Variants in MYRIP observed in about 807,000 individuals in gnomAD.
The protein encoded by MYRIP is myosin VIIA and Rab interacting protein.
In MYRIP, 49 loss-of-function variants were observed where a neutral mutation model predicts 98.0. The observed-to-expected ratio is 0.50, with a 90% confidence interval of 0.40 to 0.63. The LOEUF is 0.63. MYRIP is among the 30% of genes least tolerant of loss of function. The pLI, the probability that MYRIP is intolerant of heterozygous loss-of-function variation, is 0.00. For synonymous variants in MYRIP, 404 were observed against 409.5 expected (o/e 0.99, Z 0.16); for missense variants, 1,004 against 1,058.2 (o/e 0.95, Z 0.71).
intron 2 of MYRIP, among the ~76,000 whole-genome samples, chr3:39,970,878 A>C (rs910332888): frequency 1.3e-5 from 2 of 152,124 alleles, no homozygotes; most frequent in African/African-American, 4.8e-5. Flanking sequence ...CTTAACCCTC[A>C]TATGTTCTTA....
chr3:40,092,660 A>T (rs1948752665), intron 3 of MYRIP, among the ~76,000 whole-genome samples: 1 of 152,190 alleles, frequency 6.6e-6, no homozygotes, highest in Non-Finnish European at 1.5e-5. Context: ...AATCCCCAGA[A>T]AGTCAACAAA....
At chr3:40,025,738 C>T (rs1345703061) in intron 2 of MYRIP, among the ~76,000 whole-genome samples, 1 of 152,100 alleles carries the variant, frequency 6.6e-6, no homozygotes, top group Non-Finnish European at 1.5e-5. Flanking sequence ...CCTACCTGAG[C>T]TGCAAAACCA....
chr3:40,207,022 C>T (rs1229601508), intron 10 of MYRIP, among the ~76,000 whole-genome samples: 1 of 152,180 alleles, frequency 6.6e-6, no homozygotes, highest in African/African-American at 2.4e-5. Context: ...GAGAAGGTCA[C>T]CATGGCTGAG....
At chr3:40,242,484 T>C (rs1009819606) in intron 12 of MYRIP, 1 of 146,798 alleles carries the variant, frequency 6.8e-6, no homozygotes, top group Admixed American at 6.7e-5. Flanking sequence ...CATCTTGCTT[T>C]GTCTTGGCAG....
intron 2 of MYRIP, among the ~76,000 whole-genome samples, chr3:39,984,270 C>T (rs959338944): frequency 2.0e-5 from 3 of 151,280 alleles, no homozygotes; most frequent in African/African-American, 7.3e-5. Flanking sequence ...TACATGTGCA[C>T]ATTGTGCAGG....
At chr3:40,032,545 C>T (rs1425744283) in intron 2 of MYRIP, among the ~76,000 whole-genome samples, 1 of 152,106 alleles carries the variant, frequency 6.6e-6, no homozygotes, top group Non-Finnish European at 1.5e-5. Context: ...ATTAGGTCCA[C>T]TTGGTGCAGG....
At chr3:40,107,632 G>C (rs375464170) in intron 3 of MYRIP, among the ~76,000 whole-genome samples, 7 of 152,252 alleles carry the variant, frequency 4.6e-5, no homozygotes, top group East Asian at 1.9e-4. Context: ...TAGACTTAAT[G>C]ATGTCTCTGG....
intron 2 of MYRIP, among the ~76,000 whole-genome samples, chr3:39,921,209 A>AT (rs1944294778): frequency 6.6e-6 from 1 of 152,226 alleles, no homozygotes; most frequent in Admixed American, 6.5e-5. Flanking sequence ...AGGTAAAAAT[A>AT]ACCTGCTCAT....
chr3:40,080,791 C>CTTTTTTTTTTTTTTTTTTTTTTTTTTT (rs34610302), intron 3 of MYRIP, among the ~76,000 whole-genome samples: 1 of 93,840 alleles, frequency 1.1e-5, no homozygotes, highest in African/African-American at 4.4e-5. Flanking sequence ...ATCCTAACTT[C>CTTTTTTTTTTTTTTTTTTTTTTTTTTT]TTTTTTTTTT....
intron 8 of MYRIP, chr3:40,173,741 C>T (rs1157326739): frequency 6.6e-6 from 1 of 152,194 alleles, no homozygotes; most frequent in Non-Finnish European, 1.5e-5. Flanking sequence ...CTGAGGAAGA[C>T]ATTTAGAGGC....
chr3:40,174,551 T>C (rs1950705836), intron 8 of MYRIP: 1 of 152,222 alleles, frequency 6.6e-6, no homozygotes, highest in African/African-American at 2.4e-5. Context: ...TATCAGCGCC[T>C]TCATGATTGT....
At chr3:40,129,318 G>A (rs1415785774) in intron 3 of MYRIP, among the ~76,000 whole-genome samples, 2 of 151,234 alleles carry the variant, frequency 1.3e-5, no homozygotes, top group Non-Finnish European at 2.9e-5. Flanking sequence ...GGGGGCGCCT[G>A]TAATCCCAGC....
intron 8 of MYRIP, among the ~76,000 whole-genome samples, chr3:40,179,342 A>G (rs1950835499): frequency 6.6e-6 from 1 of 152,144 alleles, no homozygotes; most frequent in African/African-American, 2.4e-5. Context: ...TGCCTGAAAT[A>G]GACTATTTTT....
At chr3:39,864,548 C>T (rs1559500839) in intron 1 of MYRIP, among the ~76,000 whole-genome samples, 2 of 152,102 alleles carry the variant, frequency 1.3e-5, no homozygotes, top group Non-Finnish European at 2.9e-5. Context: ...GTTCCATTAA[C>T]AATAGCCACA....
intron 3 of MYRIP, among the ~76,000 whole-genome samples, chr3:40,062,732 T>C (rs1179284818): frequency 1.3e-5 from 2 of 152,188 alleles, no homozygotes. Context: ...AAATTGTAAA[T>C]ATAATTGCCT....
chr3:40,250,606 C>T lies in MYRIP; in HGVS notation c.2428+107C>T, dbSNP rs566656103. 4.2e-4 allele frequency: 541 copies of T among 1,281,518 alleles called. 5 individuals carry two copies. In the South Asian group the frequency reaches 6.5e-3, roughly 15 times the overall value. 79.4% of individuals were successfully genotyped at this position (1,281,518 alleles called of 1,614,324 possible). A position where few individuals can be genotyped will look rare whatever the true frequency, so the allele number is the denominator to read the frequency against. Reference sequence around the variant, plus strand: ...AGAATTAGATCTAATGGAGTGTTCTCACACAGAATTGCTCTTGTCTATCTT... The same window carrying T: ...AGAATTAGATCTAATGGAGTGTTCTTACACAGAATTGCTCTTGTCTATCTT... On this transcript the variant is annotated intron_variant, in intron 15 of 16. Transcript: ENST00000302541.
At chr3:40,232,299 G>A (rs559080646) in intron 11 of MYRIP, among the ~76,000 whole-genome samples, 2 of 152,326 alleles carry the variant, frequency 1.3e-5, no homozygotes, top group Admixed American at 1.3e-4. Context: ...TGACAGGTGT[G>A]AGACCATGTG....
At chr3:40,212,165 TATAC>T (rs1951961795) in intron 11 of MYRIP, among the ~76,000 whole-genome samples, 1 of 12,714 alleles carries the variant, frequency 7.9e-5, no homozygotes, top group Admixed American at 1.2e-3. Flanking sequence ...TGTATATATA[TATAC>T]ATATATATAC....
intron 10 of MYRIP, among the ~76,000 whole-genome samples, chr3:40,206,936 T>C (rs1262046719): frequency 6.6e-6 from 1 of 152,214 alleles, no homozygotes; most frequent in Non-Finnish European, 1.5e-5. Flanking sequence ...CAAGCAATAA[T>C]TGAGCCAAAG....
Sources: gnomAD v4.1 joint callset for allele counts (sites outside exome capture counted in the v4.1 genomes callset) on GRCh38, gnomAD v4.1.1 for gene constraint, MANE v1.5 for transcripts, NCBI Gene and HGNC (gene_info 2026-07-23, HGNC 2026-07-21) for gene names.